The following NCOR2 variants were observed in gnomAD, a reference collection of about 807,000 sequenced individuals.
The protein encoded by NCOR2 is CTG repeat protein 26.
Under a neutral mutation model 262.9 loss-of-function variants are expected in NCOR2, and 81 were observed. The ratio of observed to expected loss-of-function variants is 0.31; its 90% confidence interval spans 0.26 to 0.37. NCOR2 has a LOEUF of 0.37. Among genes scored for constraint, NCOR2 ranks in the 10% least tolerant of loss-of-function variants. NCOR2 has a pLI of 1.00. For missense variants in NCOR2, 3,385 were observed against 3,621.4 expected (o/e 0.93, Z 1.68); for synonymous variants, 1,659 against 1,559.3 (o/e 1.06, Z -1.51).
chr12:124,506,982 G>A (rs757766271), intron 1 of NCOR2, among the ~76,000 whole-genome samples: 3 of 152,196 alleles, frequency 2.0e-5, no homozygotes, highest in East Asian at 1.9e-4. Flanking sequence ...GGATGCGGAC[G>A]GGGTTGGGGT....
At chr12:124,333,888 G>GTGTGCGGGTGCGCGCA (rs1555299223) in intron 41 of NCOR2, among the ~76,000 whole-genome samples, 2 of 20,716 alleles carry the variant, frequency 9.7e-5, no homozygotes, top group East Asian at 5.1e-3. Flanking sequence ...GGGTGTGCAT[G>GTGTGCGGGTGCGCGCA]TGTGTGTGCG....
intron 20 of NCOR2, among the ~76,000 whole-genome samples, chr12:124,371,790 C>T (rs1012962062): frequency 6.6e-6 from 1 of 152,160 alleles, no homozygotes; most frequent in Non-Finnish European, 1.5e-5. Context: ...CTCCTCTGTC[C>T]GGGTCTCAGC....
intron 7 of NCOR2, among the ~76,000 whole-genome samples, chr12:124,442,257 C>A (rs1338209372): frequency 1.3e-5 from 2 of 152,210 alleles, no homozygotes; most frequent in Non-Finnish European, 2.9e-5. Context: ...AATCCTCCTG[C>A]CTCAGCCTCC....
intron 7 of NCOR2, among the ~76,000 whole-genome samples, chr12:124,447,653 T>C (rs946989827): frequency 3.9e-5 from 6 of 152,026 alleles, no homozygotes; most frequent in Non-Finnish European, 5.9e-5. Flanking sequence ...TATGTCAGCA[T>C]AGTACTTTAG....
At chr12:124,364,358 G>T (rs531966615) in intron 20 of NCOR2, among the ~76,000 whole-genome samples, 2 of 152,196 alleles carry the variant, frequency 1.3e-5, no homozygotes, top group African/African-American at 4.8e-5. Context: ...AATGAGCTCC[G>T]GTTACCAGAG....
intron 1 of NCOR2, among the ~76,000 whole-genome samples, chr12:124,522,174 C>T (rs1215724445): frequency 6.6e-6 from 1 of 152,164 alleles, no homozygotes; most frequent in African/African-American, 2.4e-5. Flanking sequence ...TCTGCTGAGC[C>T]CCTACTGTAT....
intron 7 of NCOR2, among the ~76,000 whole-genome samples, chr12:124,438,924 CGGAGACCCAGAGACAGAGGGAGAG>C (rs2044596515): frequency 1.8e-4 from 2 of 11,310 alleles, no homozygotes; most frequent in Admixed American, 7.4e-4. Flanking sequence ...GAGAGAGAGA[CGGAGACCCAGAGACAGAGGGAGAG>C]AGAGACCCAG....
chr12:124,445,433 G>A (rs1262304155), intron 7 of NCOR2, among the ~76,000 whole-genome samples: 1 of 152,220 alleles, frequency 6.6e-6, no homozygotes, highest in African/African-American at 2.4e-5. Flanking sequence ...AGGCGGCTAC[G>A]GGCGACTCCA....
chr12:124,418,708 G>A (rs918230788), intron 13 of NCOR2, among the ~76,000 whole-genome samples: 2 of 152,202 alleles, frequency 1.3e-5, no homozygotes, highest in African/African-American at 4.8e-5. Context: ...TTTGTCCAAA[G>A]AAGATGGGGA....
At chr12:124,332,149 T>A (rs1287511065) in intron 43 of NCOR2, 170 bp downstream of exon 45, 1 of 764,880 alleles carries the variant, frequency 1.3e-6, no homozygotes, top group East Asian at 2.7e-5. Context: ...GAAACTGCCC[T>A]GGGGCTCCCC....
rs1409495174 is a variant in NCOR2, at chr12:124,443,264, C to T, written c.816-5268G>A. Among the ~76,000 whole-genome samples the T allele has an allele frequency of 6.6e-6, 1 of 152,176 alleles. No individual in the cohort carries two copies. Among genetic ancestry groups the T allele is most frequent in the Non-Finnish European group, 1.5e-5 (1 of 68,038 alleles). On this transcript the variant is annotated intron_variant, in intron 7 of 46. Coordinates refer to ENST00000405201, the Ensembl canonical transcript of NCOR2. This position sits in a 1 kb window ranked among gnomAD's most constrained non-coding sequence, Gnocchi z 4.4. ...GGGGTGGTGGTGATGTGCATGCAGC[C>T]GTCTGTTTGCCACCGATGGGCAGCA... is the stretch of plus-strand genomic sequence containing the variant.
chr12:124,426,341 A>G (rs1299103459), intron 11 of NCOR2, among the ~76,000 whole-genome samples: 1 of 152,230 alleles, frequency 6.6e-6, no homozygotes, highest in Non-Finnish European at 1.5e-5. Flanking sequence ...AAGGCAGAGC[A>G]TGGAAGGATG....
At chr12:124,490,408 A>ATGGATGGATG (rs2048017363) in intron 1 of NCOR2, among the ~76,000 whole-genome samples, 3 of 126,258 alleles carry the variant, frequency 2.4e-5, no homozygotes, top group Non-Finnish European at 5.2e-5. Flanking sequence ...AGTATTTGCC[A>ATGGATGGATG]GATGGATGGA....
At chr12:124,333,641 T>C (rs991439909) in intron 41 of NCOR2, among the ~76,000 whole-genome samples, 3 of 140,284 alleles carry the variant, frequency 2.1e-5, no homozygotes, top group African/African-American at 7.9e-5. Flanking sequence ...TTGCCATGTC[T>C]GTCCTCGCAC....
At chr12:124,400,801 A>T in intron 14 of NCOR2, 128 bp from the exon 17 acceptor site, 1 of 1,223,644 alleles carries the variant, frequency 8.2e-7, no homozygotes, top group Non-Finnish European at 1.1e-6. Context: ...GGACGCTAGG[A>T]AAGAGGGGGA....
chr12:124,365,648 C>T (rs139766148), intron 20 of NCOR2, among the ~76,000 whole-genome samples: 85 of 152,256 alleles, frequency 5.6e-4, no homozygotes, highest in African/African-American at 1.7e-3. Flanking sequence ...GGCGCACAGA[C>T]GGGGGCCAGA....
At chr12:124,367,642 A>T (rs942929106) in intron 20 of NCOR2, among the ~76,000 whole-genome samples, 5 of 151,630 alleles carry the variant, frequency 3.3e-5, no homozygotes, top group South Asian at 2.1e-4. Flanking sequence ...TTATTTATTT[A>T]TTTTTTTGGA....
chr12:124,351,560 A>T (rs998461628), intron 27 of NCOR2, among the ~76,000 whole-genome samples: 4 of 152,152 alleles, frequency 2.6e-5, no homozygotes, highest in Non-Finnish European at 5.9e-5. Context: ...ATAGGGAATG[A>T]GCTTCCCGTT....
intron 13 of NCOR2, among the ~76,000 whole-genome samples, chr12:124,416,415 C>T (rs2042860892): frequency 6.6e-6 from 1 of 152,178 alleles, no homozygotes; most frequent in African/African-American, 2.4e-5. Flanking sequence ...CTTGAGGGCC[C>T]CATCCCTGTC....
Sources: allele counts gnomAD v4.1 joint callset (sites outside exome capture counted in the v4.1 genomes callset), GRCh38; gene constraint gnomAD v4.1.1; non-coding constraint Gnocchi (gnomAD v3.1); transcripts MANE v1.5; gene names NCBI Gene and HGNC (gene_info 2026-07-23, HGNC 2026-07-21).